TFDP2: variants seen among roughly 807,000 people sequenced by gnomAD.
TFDP2 encodes the protein transcription factor Dp-2 (E2F dimerization partner 2).
A neutral mutation model predicts 59.3 loss-of-function variants in TFDP2; 17 were observed. The ratio of observed to expected loss-of-function variants is 0.29; its 90% CI spans 0.20 to 0.43. The LOEUF (loss-of-function observed/expected upper bound fraction) is 0.43. Among genes scored for constraint, TFDP2 ranks in the 20% least tolerant of loss-of-function variants. The probability of loss-of-function intolerance (pLI) is 1.00; values close to 1 mark genes in which losing one functional copy is unlikely to be tolerated. For synonymous variants in TFDP2, 180 were observed against 194.7 expected (o/e 0.92, Z 0.63); for missense variants, 391 against 528.8 (o/e 0.74, Z 2.56).
intron 1 of TFDP2, among the ~76,000 whole-genome samples, chr3:142,127,964 G>A (rs2108718272): frequency 1.3e-5 from 2 of 151,830 alleles, no homozygotes; most frequent in South Asian, 4.2e-4. Flanking sequence ...GCTTTGGGAA[G>A]CCAAAGTGGA....
chr3:141,950,884 G>A lies in TFDP2; in HGVS notation c.*1629C>T, dbSNP rs1346375674. ...CCTCTATCTCTGAGTCTGTACTATG[G>A]CTTATTTCTGACAGAATGAAACTTT... On this transcript the variant is annotated 3_prime_UTR_variant, in exon 13 of 13. Transcript: ENST00000489671. The A allele has an allele frequency of 1.3e-5, 2 of 152,232 alleles. No individual in the cohort carries two copies. The highest frequency in any genetic ancestry group is 3.9e-4 in the East Asian group (2 of 5,194). 9.4% of individuals were successfully genotyped at this position (152,232 alleles called of 1,614,324 possible).
intron 4 of TFDP2, 196 bp from the exon 5 acceptor site, chr3:141,995,337 A>T (rs1943169798): frequency 7.3e-6 from 3 of 411,292 alleles, no homozygotes; most frequent in Non-Finnish European, 8.5e-6. Context: ...AGTATCCTGA[A>T]TACTGACATG....
rs534501150 is a variant in TFDP2, at chr3:142,124,955, G to T, written c.-92-23114C>A. 2.7e-4 allele frequency among the ~76,000 whole-genome samples: 41 copies of T among 152,202 alleles called. No homozygotes were observed. In the South Asian group the frequency reaches 8.1e-3, roughly 30 times the overall value. ...TTACACCTGTAACTCCAGTGCTCTG[G>T]GACGCCAAGGTGGGAGTATTGCTCG... On this transcript the variant is annotated intron_variant, in intron 1 of 12. Transcript: ENST00000489671.
intron 3 of TFDP2, among the ~76,000 whole-genome samples, chr3:142,091,683 G>C (rs9714094): frequency 1.3e-5 from 2 of 152,186 alleles, no homozygotes; most frequent in Admixed American, 1.3e-4. Context: ...CAGTTTCGTG[G>C]AAGACAATTT....
chr3:142,063,589 G>C (rs542712733), intron 3 of TFDP2, among the ~76,000 whole-genome samples: 1 of 152,178 alleles, frequency 6.6e-6, no homozygotes, highest in Non-Finnish European at 1.5e-5. Flanking sequence ...CTACCTAGAG[G>C]TGGAATTGCC....
intron 7 of TFDP2, among the ~76,000 whole-genome samples, chr3:141,977,128 TCC>T (rs10582248): frequency 0.17 from 18,317 of 106,806 alleles, 1,686 homozygotes; most frequent in Non-Finnish European, 0.2. Flanking sequence ...TTTTTTTTTT[TCC>T]CCCCAAAGAG....
chr3:142,021,601 A>G (rs765790316), intron 3 of TFDP2, among the ~76,000 whole-genome samples: 3 of 152,236 alleles, frequency 2.0e-5, no homozygotes, highest in Admixed American at 1.3e-4. Flanking sequence ...CTTAGGGGAC[A>G]CTTTCTAAAA....
intron 3 of TFDP2, among the ~76,000 whole-genome samples, chr3:142,060,307 A>G (rs1022738816): frequency 1.3e-5 from 2 of 152,230 alleles, no homozygotes; most frequent in Non-Finnish European, 2.9e-5. Context: ...TGTGCCCAGC[A>G]TAACAGTAAC....
intron 2 of TFDP2, among the ~76,000 whole-genome samples, chr3:142,100,249 A>T (rs780564158): frequency 6.6e-6 from 1 of 152,214 alleles, no homozygotes; most frequent in Non-Finnish European, 1.5e-5. Context: ...TCATGCAACA[A>T]CACTTGCTTC....
chr3:142,078,637 C>G (rs1356581522), intron 3 of TFDP2, among the ~76,000 whole-genome samples: 1 of 152,178 alleles, frequency 6.6e-6, no homozygotes, highest in Non-Finnish European at 1.5e-5. Context: ...TCACAACACC[C>G]AAGTCCCTTA....
intron 3 of TFDP2, among the ~76,000 whole-genome samples, chr3:142,058,416 C>T (rs533735932): frequency 3.7e-4 from 56 of 151,720 alleles, no homozygotes; most frequent in African/African-American, 1.3e-3. Flanking sequence ...ATAGTAACTA[C>T]CTGGAGTTAG....
chr3:142,063,935 C>A (rs1295745598), intron 3 of TFDP2, among the ~76,000 whole-genome samples: 1 of 151,988 alleles, frequency 6.6e-6, no homozygotes, highest in African/African-American at 2.4e-5. Context: ...CTACCATATA[C>A]CAGTAGTTTT....
intron 8 of TFDP2, among the ~76,000 whole-genome samples, chr3:141,971,351 A>T (rs1939703858): frequency 6.8e-6 from 1 of 147,728 alleles, no homozygotes; most frequent in Admixed American, 6.7e-5. Flanking sequence ...AGCCTGGCCA[A>T]TAAGGTGAAA....
intron 6 of TFDP2, chr3:141,989,209 C>T (rs1374283421): frequency 6.6e-6 from 1 of 152,104 alleles, no homozygotes; most frequent in Non-Finnish European, 1.5e-5. Context: ...ATGTTGGATT[C>T]AAGTTTTCAA....
rs1941069943 is a variant in TFDP2 at position 141,978,589 on chromosome 3, C to T, written c.450G>A (p.Ser150=). The T allele has an allele frequency of 1.9e-6, 3 of 1,613,670 alleles. No homozygotes were observed. The highest frequency in any genetic ancestry group is 2.5e-6 in the Non-Finnish European group (3 of 1,179,874). The change falls in exon 7 of 13, where the codon TCG becomes TCA. Residue 150 remains serine, a synonymous_variant. Coordinates refer to ENST00000489671, the MANE Select transcript of TFDP2 (RefSeq NM_001178139.2). ...CEKVQRKGTT[S]YNEVADELVS... ...CCAGCTCATCAGCGACTTCATTGTA[C>T]GATGTTGTACCTTTTCGTTGAACTT... is the stretch of plus-strand genomic sequence containing the variant.
At chr3:142,096,888 G>A (rs963865974) in intron 2 of TFDP2, among the ~76,000 whole-genome samples, 1 of 152,070 alleles carries the variant, frequency 6.6e-6, no homozygotes, top group Non-Finnish European at 1.5e-5. Flanking sequence ...TCATAGGATC[G>A]AGTCAAATGA....
chr3:142,015,981 T>C (rs545167863), intron 3 of TFDP2, among the ~76,000 whole-genome samples: 55 of 152,202 alleles, frequency 3.6e-4, no homozygotes, highest in Admixed American at 7.9e-4. Flanking sequence ...ATAATGTTTA[T>C]ATTGATTACA....
intron 3 of TFDP2, among the ~76,000 whole-genome samples, chr3:142,005,850 T>G (rs1433056296): frequency 6.6e-6 from 1 of 152,148 alleles, no homozygotes; most frequent in Non-Finnish European, 1.5e-5. Context: ...AAGAAAAAAT[T>G]TTTAGAGAAT....
chr3:141,986,001 T>C (rs939719606), intron 6 of TFDP2, among the ~76,000 whole-genome samples: 3 of 152,212 alleles, frequency 2.0e-5, no homozygotes, highest in African/African-American at 7.2e-5. Flanking sequence ...ACATTGTTTA[T>C]GGGAATGTAA....
Sources: gnomAD v4.1 joint callset for allele counts (sites outside exome capture counted in the v4.1 genomes callset) on GRCh38, gnomAD v4.1.1 for gene constraint, MANE v1.5 for transcripts, NCBI Gene and HGNC (gene_info 2026-07-23, HGNC 2026-07-21) for gene names.